Variants in PCDH15 observed in about 807,000 individuals in gnomAD.
PCDH15 encodes the protein protocadherin-15.
Under a neutral mutation model 178.5 loss-of-function variants are expected in PCDH15, and 129 were observed. The ratio of observed to expected loss-of-function variants is 0.72; its 90% CI spans 0.63 to 0.84. The LOEUF (loss-of-function observed/expected upper bound fraction) is 0.84. Among genes scored for constraint, PCDH15 ranks in the 40% least tolerant of loss-of-function variants. PCDH15 has a pLI of 0.00. For missense variants in PCDH15, 2,230 were observed against 2,099.9 expected, an observed-to-expected ratio of 1.06 and a Z score of -1.21; for synonymous variants, 800 against 732.0, an observed-to-expected ratio of 1.09 and a Z score of -1.50.
At chr10:53,880,441 A>G (rs1327680125) in intron 26 of PCDH15, among the ~76,000 whole-genome samples, 1 of 152,230 alleles carries the variant, frequency 6.6e-6, no homozygotes, top group Non-Finnish European at 1.5e-5. Flanking sequence ...TAAGAAGTCT[A>G]TTCATCTTTT....
At chr10:54,808,991 C>A (rs1261743671) in intron 3 of PCDH15, among the ~76,000 whole-genome samples, 1 of 150,840 alleles carries the variant, frequency 6.6e-6, no homozygotes, top group Non-Finnish European at 1.5e-5. Context: ...TACCCTAATG[C>A]TGACAACCTG....
intron 1 of PCDH15, among the ~76,000 whole-genome samples, chr10:55,180,399 C>T (rs1009543851): frequency 3.9e-5 from 6 of 152,082 alleles, no homozygotes; most frequent in Admixed American, 2.6e-4. Context: ...TAATAAGAGA[C>T]CGTCTCACCA....
At chr10:54,787,350 A>G (rs1005370584) in intron 1 of PCDH15, among the ~76,000 whole-genome samples, 2 of 151,988 alleles carry the variant, frequency 1.3e-5, no homozygotes, top group African/African-American at 4.8e-5. Context: ...TGTATGATAC[A>G]ATCCTTTATC....
intron 1 of PCDH15, among the ~76,000 whole-genome samples, chr10:55,238,033 G>A (rs1454347255): frequency 2.6e-5 from 4 of 151,616 alleles, no homozygotes; most frequent in Non-Finnish European, 4.4e-5. Context: ...AACCTGCAGT[G>A]TGTTAAACTG....
chr10:55,106,622 G>C (rs1206388950), intron 2 of PCDH15, among the ~76,000 whole-genome samples: 1 of 151,994 alleles, frequency 6.6e-6, no homozygotes, highest in Non-Finnish European at 1.5e-5. Context: ...CACCATGTTG[G>C]CCAGGCTGGT....
intron 2 of PCDH15, among the ~76,000 whole-genome samples, chr10:54,929,651 C>T (rs1706755): frequency 0.45 from 68,624 of 151,614 alleles, 15,704 homozygotes; most frequent in Middle Eastern, 0.53. Context: ...TTACAACTGA[C>T]AGAAAATAAT....
intron 1 of PCDH15, among the ~76,000 whole-genome samples, chr10:55,186,441 T>C (rs888487812): frequency 6.6e-6 from 1 of 151,296 alleles, no homozygotes; most frequent in African/African-American, 2.4e-5. Flanking sequence ...TACATATATA[T>C]ACAATAATTT....
chr10:55,332,802 A>G (rs1844239437), intron 2 of PCDH15, among the ~76,000 whole-genome samples: 3 of 152,152 alleles, frequency 2.0e-5, no homozygotes, highest in Admixed American at 1.3e-4. Flanking sequence ...ACCATGTAAG[A>G]CACGCCTTTC....
chr10:55,557,874 G>A (rs1233059298), intron 2 of PCDH15, among the ~76,000 whole-genome samples: 1 of 152,096 alleles, frequency 6.6e-6, no homozygotes, highest in Non-Finnish European at 1.5e-5. Context: ...TTACTTAGTG[G>A]TCTGGGTATA....
At chr10:53,978,514 T>G in intron 21 of PCDH15, among the ~76,000 whole-genome samples, 1 of 152,050 alleles carries the variant, frequency 6.6e-6, no homozygotes, top group East Asian at 1.9e-4. Flanking sequence ...CTCTTAGGCC[T>G]CTGAGTGTGT....
At chr10:54,691,843 C>T (rs962417221) in intron 1 of PCDH15, among the ~76,000 whole-genome samples, 9 of 152,040 alleles carry the variant, frequency 5.9e-5, no homozygotes, top group African/African-American at 2.2e-4. Flanking sequence ...ATAAATTTAG[C>T]TTTACTGACT....
chr10:54,705,312 T>C (rs760884685), intron 1 of PCDH15, among the ~76,000 whole-genome samples: 4 of 146,852 alleles, frequency 2.7e-5, no homozygotes, highest in Non-Finnish European at 5.9e-5. Context: ...GAACCTAAAA[T>C]AATTAAAAAA....
chr10:54,874,864 T>C (rs547088702), intron 3 of PCDH15, among the ~76,000 whole-genome samples: 1 of 152,306 alleles, frequency 6.6e-6, no homozygotes, highest in Admixed American at 6.5e-5. Context: ...CATGTTTTAT[T>C]GTCCTAATGA....
chr10:54,124,410 G>A (rs570217523), intron 15 of PCDH15, among the ~76,000 whole-genome samples: 10 of 152,196 alleles, frequency 6.6e-5, no homozygotes, highest in Admixed American at 4.6e-4. Context: ...GGAAACAGAC[G>A]GTGATGATGT....
intron 30 of PCDH15, 77 bp from the exon 31 acceptor site, chr10:53,828,650 T>G (rs1334710050): frequency 1.7e-6 from 2 of 1,188,268 alleles, no homozygotes; most frequent in African/African-American, 3.0e-5. Flanking sequence ...TAACATCTGA[T>G]TTATTCTAAA....
chr10:54,019,324 G>A (rs2092838631), intron 20 of PCDH15, among the ~76,000 whole-genome samples: 1 of 152,022 alleles, frequency 6.6e-6, no homozygotes, highest in African/African-American at 2.4e-5. Flanking sequence ...AGTAACTTGA[G>A]GATTTTTGTA....
chr10:55,202,533 A>G (rs73265590), intron 1 of PCDH15, among the ~76,000 whole-genome samples: 1,693 of 152,216 alleles, frequency 0.011, 43 homozygotes, highest in African/African-American at 0.037. Flanking sequence ...ATTTCTATTC[A>G]TTAATTGCCT....
intron 3 of PCDH15, among the ~76,000 whole-genome samples, chr10:54,470,984 C>G (rs1344537289): frequency 6.6e-6 from 1 of 151,952 alleles, no homozygotes; most frequent in Non-Finnish European, 1.5e-5. Context: ...GCATCAACAC[C>G]CCACACAATT....
At chr10:54,346,266 G>C (rs1439072954) in intron 6 of PCDH15, 99 bp downstream of exon 6, 3 of 1,149,826 alleles carry the variant, frequency 2.6e-6, no homozygotes, top group African/African-American at 3.1e-5. Context: ...TACTAATCTG[G>C]TTCTGGAAGT....
Sources: allele counts gnomAD v4.1 joint callset (sites outside exome capture counted in the v4.1 genomes callset), GRCh38; gene constraint gnomAD v4.1.1; transcripts MANE v1.5; gene names NCBI Gene and HGNC (gene_info 2026-07-23, HGNC 2026-07-21).